Variants in RASAL2 observed in about 807,000 individuals in gnomAD.
RASAL2 encodes ras GTPase-activating protein nGAP.
In RASAL2, 58 loss-of-function variants were observed where a neutral mutation model predicts 128.9. The ratio of observed to expected loss-of-function variants is 0.45; its 90% confidence interval spans 0.36 to 0.56. RASAL2 has a LOEUF of 0.56. Ranked by LOEUF, RASAL2 falls within the 20% of genes least tolerant of loss-of-function variation. RASAL2 has a pLI of 0.00. For missense variants in RASAL2, 1,360 were observed against 1,601.6 expected (o/e 0.85, Z 2.57); for synonymous variants, 561 against 580.8 (o/e 0.97, Z 0.49).
At chr1:178,396,989 A>C (rs923677008) in intron 4 of RASAL2, among the ~76,000 whole-genome samples, 1 of 152,224 alleles carries the variant, frequency 6.6e-6, no homozygotes, top group Non-Finnish European at 1.5e-5. Context: ...GGATGACCAC[A>C]ATCAAAAAGA....
At chr1:178,131,375 CTTTTTTTT>C (rs71108028) in intron 1 of RASAL2, among the ~76,000 whole-genome samples, 1 of 82,606 alleles carries the variant, frequency 1.2e-5, no homozygotes, top group South Asian at 4.1e-4. Flanking sequence ...CCTGGATAAT[CTTTTTTTT>C]TTTTTTTTTT....
At chr1:178,451,481 A>C in intron 9 of RASAL2, 90 bp from the exon 10 acceptor site, 2 of 1,332,686 alleles carry the variant, frequency 1.5e-6, no homozygotes, top group Non-Finnish European at 2.0e-6. Context: ...ATTCCCCATT[A>C]TACGTTTTAG....
intron 1 of RASAL2, among the ~76,000 whole-genome samples, chr1:178,170,860 T>G (rs1019089338): frequency 6.6e-6 from 1 of 151,876 alleles, no homozygotes; most frequent in Non-Finnish European, 1.5e-5. Flanking sequence ...GTTCTTTTTG[T>G]TTTTTAGTTT....
At chr1:178,144,863 A>C (rs1660663840) in intron 1 of RASAL2, among the ~76,000 whole-genome samples, 1 of 152,208 alleles carries the variant, frequency 6.6e-6, no homozygotes, top group Non-Finnish European at 1.5e-5. Flanking sequence ...ATGACCAGAA[A>C]AATTTAGTGC....
intron 4 of RASAL2, among the ~76,000 whole-genome samples, chr1:178,418,930 G>C (rs1213085352): frequency 6.6e-6 from 1 of 152,156 alleles, no homozygotes; most frequent in Non-Finnish European, 1.5e-5. Context: ...CTAAGTTCCT[G>C]AGTAAGGACA....
chr1:178,360,680 G>A (rs980226878), intron 3 of RASAL2, among the ~76,000 whole-genome samples: 2 of 152,196 alleles, frequency 1.3e-5, no homozygotes, highest in Admixed American at 6.5e-5. Flanking sequence ...ACCACTGACT[G>A]GGTGGCTTAG....
intron 1 of RASAL2, among the ~76,000 whole-genome samples, chr1:178,222,987 A>G (rs1243107494): frequency 6.6e-6 from 1 of 152,168 alleles, no homozygotes; most frequent in East Asian, 1.9e-4. Context: ...AGTGCATTTA[A>G]CTGCTTCCTC....
At chr1:178,249,792 C>T (rs988328380) in intron 1 of RASAL2, among the ~76,000 whole-genome samples, 1 of 151,992 alleles carries the variant, frequency 6.6e-6, no homozygotes, top group Non-Finnish European at 1.5e-5. Flanking sequence ...ATATTGCTTC[C>T]TGTTTGTTAG....
chr1:178,310,596 G>A (rs763550140), intron 3 of RASAL2, among the ~76,000 whole-genome samples: 2 of 151,824 alleles, frequency 1.3e-5, no homozygotes, highest in Non-Finnish European at 2.9e-5. Context: ...TTTTCGATTG[G>A]GACATCAGTT....
intron 1 of RASAL2, among the ~76,000 whole-genome samples, chr1:178,251,356 G>T (rs1665048910): frequency 2.0e-5 from 3 of 152,142 alleles, no homozygotes; most frequent in Admixed American, 2.0e-4. Context: ...CAAAATTACT[G>T]TATATGTGCA....
At chr1:178,358,184 C>G (rs960286715) in intron 3 of RASAL2, among the ~76,000 whole-genome samples, 2 of 138,990 alleles carry the variant, frequency 1.4e-5, no homozygotes, top group East Asian at 4.3e-4. Flanking sequence ...TGCAGTAAGC[C>G]GAGAAGGCGC....
intron 9 of RASAL2, among the ~76,000 whole-genome samples, chr1:178,449,811 C>G (rs974504275): frequency 1.5e-4 from 23 of 151,498 alleles, no homozygotes; most frequent in African/African-American, 5.6e-4. Flanking sequence ...ACTTCTGGGC[C>G]CTGGAGTTAT....
At chr1:178,325,240 G>A (rs1668982390) in intron 3 of RASAL2, among the ~76,000 whole-genome samples, 1 of 152,146 alleles carries the variant, frequency 6.6e-6, no homozygotes, top group Admixed American at 6.5e-5. Context: ...ATTCAAGGTA[G>A]AAAATAGTGT....
At chr1:178,441,496 G>A in intron 6 of RASAL2, 53 bp from the exon 7 acceptor site, 1 of 1,322,230 alleles carries the variant, frequency 7.6e-7, no homozygotes, top group Non-Finnish European at 1.1e-6. Flanking sequence ...CCTAATGACA[G>A]AGCCCTGAAA....
intron 3 of RASAL2, among the ~76,000 whole-genome samples, chr1:178,375,661 CAG>C (rs542393542): frequency 1.4e-4 from 22 of 152,110 alleles, no homozygotes; most frequent in African/African-American, 4.8e-4. Flanking sequence ...AGGTGAATAA[CAG>C]ATTAAAATAG....
chr1:178,112,734 A>G (rs866183173), intron 1 of RASAL2, among the ~76,000 whole-genome samples: 4 of 120,038 alleles, frequency 3.3e-5, no homozygotes, highest in Admixed American at 1.1e-4. Flanking sequence ...GGGGAACATC[A>G]CACTCTGGGG....
At chr1:178,408,220 T>G (rs925334827) in intron 4 of RASAL2, among the ~76,000 whole-genome samples, 15 of 152,332 alleles carry the variant, frequency 9.8e-5, no homozygotes, top group Middle Eastern at 3.4e-3. Flanking sequence ...TTTGAGTGTT[T>G]GATTAGTATG....
At chr1:178,188,612 G>T (rs1453921667) in intron 1 of RASAL2, among the ~76,000 whole-genome samples, 1 of 152,074 alleles carries the variant, frequency 6.6e-6, no homozygotes, top group African/African-American at 2.4e-5. Context: ...ATTTTACTTT[G>T]CAGATTATTT....
chr1:178,367,670 C>T (rs1408898049), intron 3 of RASAL2, among the ~76,000 whole-genome samples: 2 of 152,068 alleles, frequency 1.3e-5, no homozygotes, highest in Non-Finnish European at 2.9e-5. Context: ...GAAAGGGCTA[C>T]ATATTTTATG....
Sources: allele counts gnomAD v4.1 joint callset (sites outside exome capture counted in the v4.1 genomes callset), GRCh38; gene constraint gnomAD v4.1.1; transcripts MANE v1.5; gene names NCBI Gene and HGNC (gene_info 2026-07-23, HGNC 2026-07-21).